ANO3: variants seen among roughly 807,000 people sequenced by gnomAD.
The protein encoded by ANO3 is anoctamin 3.
ANO3 carries 99 observed loss-of-function variants against 144.8 expected under a neutral mutation model. The observed-to-expected ratio is 0.68, with a 90% CI of 0.58 to 0.81. ANO3 has a LOEUF of 0.81. Among genes scored for constraint, ANO3 ranks in the 30% least tolerant of loss-of-function variants. The pLI is 0.00. For synonymous variants in ANO3, 414 were observed against 392.6 expected (o/e 1.05, Z -0.64); for missense variants, 905 against 1,202.2 (o/e 0.75, Z 3.66).
intron 3 of ANO3, among the ~76,000 whole-genome samples, chr11:26,455,617 G>A (rs1272914640): frequency 1.3e-5 from 2 of 152,182 alleles, no homozygotes; most frequent in South Asian, 2.1e-4. Flanking sequence ...TGGATAGGAA[G>A]AATCAATATT....
At chr11:26,621,861 C>T (rs7122563) in intron 17 of ANO3, among the ~76,000 whole-genome samples, 43,864 of 151,838 alleles carry the variant, frequency 0.29, 6,691 homozygotes, top group South Asian at 0.46. Context: ...CATGTTATCA[C>T]GTGTGTGTAT....
chr11:26,387,130 A>ATTTTTT (rs372622053), intron 1 of ANO3, among the ~76,000 whole-genome samples: 10 of 128,380 alleles, frequency 7.8e-5, no homozygotes, highest in Non-Finnish European at 1.2e-4. Flanking sequence ...CAAATGTAGT[A>ATTTTTT]TTTTTTTTTT....
intron 1 of ANO3, among the ~76,000 whole-genome samples, chr11:26,382,073 A>T (rs9971405): frequency 0.27 from 40,614 of 151,960 alleles, 6,105 homozygotes; most frequent in African/African-American, 0.41. Flanking sequence ...ATAATTTATT[A>T]TGCATATGTA....
At chr11:26,559,910 G>A in intron 14 of ANO3, 131 bp downstream of exon 14, 1 of 688,108 alleles carries the variant, frequency 1.5e-6, no homozygotes, top group Admixed American at 2.2e-5. Context: ...CTCTAGGTTG[G>A]TACTTGATTT....
chr11:26,364,855 C>T (rs1397516127), intron 1 of ANO3, among the ~76,000 whole-genome samples: 2 of 152,156 alleles, frequency 1.3e-5, no homozygotes, highest in Non-Finnish European at 2.9e-5. Context: ...GCACCTGCCC[C>T]ACCCCAAATC....
chr11:26,207,403 C>T (rs1564916665), intron 1 of ANO3, among the ~76,000 whole-genome samples: 1 of 152,096 alleles, frequency 6.6e-6, no homozygotes, highest in South Asian at 2.1e-4. Flanking sequence ...TGCCTCATTA[C>T]GTGTTAAGAT....
intron 4 of ANO3, among the ~76,000 whole-genome samples, chr11:26,471,757 A>G (rs1859791796): frequency 6.6e-6 from 1 of 151,962 alleles, no homozygotes; most frequent in African/African-American, 2.4e-5. Context: ...AGTTCCCAGA[A>G]AGACTATAAG....
chr11:26,556,936 T>C (rs1227283754), intron 13 of ANO3, among the ~76,000 whole-genome samples: 2 of 152,136 alleles, frequency 1.3e-5, no homozygotes, highest in African/African-American at 2.4e-5. Context: ...TCTGAACCTA[T>C]AAAGCAACTT....
intron 1 of ANO3, among the ~76,000 whole-genome samples, chr11:26,441,293 A>T (rs1858513212): frequency 6.7e-6 from 1 of 149,734 alleles, no homozygotes; most frequent in Admixed American, 6.6e-5. Flanking sequence ...AATTTTTTGT[A>T]TTTTTAGTAG....
chr11:26,301,360 T>C (rs1854228502), intron 1 of ANO3, among the ~76,000 whole-genome samples: 1 of 152,188 alleles, frequency 6.6e-6, no homozygotes, highest in African/African-American at 2.4e-5. Flanking sequence ...TCTTAGCTTA[T>C]TAAATGAGAA....
At chr11:26,555,382 T>G (rs1302663490) in intron 13 of ANO3, among the ~76,000 whole-genome samples, 1 of 152,166 alleles carries the variant, frequency 6.6e-6, no homozygotes, top group Non-Finnish European at 1.5e-5. Flanking sequence ...ATAACACACA[T>G]TGGCATTATT....
At chr11:26,510,392 C>A (rs556445755) in intron 5 of ANO3, among the ~76,000 whole-genome samples, 1 of 152,148 alleles carries the variant, frequency 6.6e-6, no homozygotes, top group South Asian at 2.1e-4. Context: ...CACACCCAAT[C>A]ACTGGTGGCT....
chr11:26,489,029 A>T (rs771101569), intron 4 of ANO3, among the ~76,000 whole-genome samples: 1 of 152,192 alleles, frequency 6.6e-6, no homozygotes, highest in Non-Finnish European at 1.5e-5. Context: ...ACAATCCCTT[A>T]GCTAGACACA....
chr11:26,442,142 A>T, intron 2 of ANO3, 30 bp downstream of exon 2: 2 of 1,595,582 alleles, frequency 1.3e-6, no homozygotes, highest in Non-Finnish European at 1.7e-6. Flanking sequence ...TTCTTGTTCA[A>T]TTTATAAAAA....
intron 1 of ANO3, among the ~76,000 whole-genome samples, chr11:26,297,281 T>C (rs1380348592): frequency 2.0e-5 from 3 of 152,086 alleles, no homozygotes; most frequent in Non-Finnish European, 4.4e-5. Context: ...TTGATATTTA[T>C]GAGGATCATT....
At chr11:26,424,907 C>T (rs1857874393) in intron 1 of ANO3, among the ~76,000 whole-genome samples, 1 of 151,782 alleles carries the variant, frequency 6.6e-6, no homozygotes, top group Non-Finnish European at 1.5e-5. Flanking sequence ...TATTTGTATA[C>T]TTTAAGTTCT....
intron 1 of ANO3, among the ~76,000 whole-genome samples, chr11:26,356,681 T>C (rs1232470057): frequency 6.6e-6 from 1 of 152,202 alleles, no homozygotes; most frequent in Non-Finnish European, 1.5e-5. Flanking sequence ...TTTATTCTCT[T>C]ACATTTCTGG....
At chr11:26,430,446 A>G (rs1184564066) in intron 1 of ANO3, among the ~76,000 whole-genome samples, 1 of 152,148 alleles carries the variant, frequency 6.6e-6, no homozygotes, top group African/African-American at 2.4e-5. Context: ...ATTCTAAAAC[A>G]TAATGATGAA....
intron 4 of ANO3, among the ~76,000 whole-genome samples, chr11:26,487,050 C>T (rs1429961142): frequency 2.6e-5 from 4 of 152,192 alleles, no homozygotes; most frequent in South Asian, 4.1e-4. Context: ...AATTGATTGG[C>T]TTCCAAAGTC....
Sources: gnomAD v4.1 joint callset for allele counts (sites outside exome capture counted in the v4.1 genomes callset) on GRCh38, gnomAD v4.1.1 for gene constraint, MANE v1.5 for transcripts, NCBI Gene and HGNC (gene_info 2026-07-23, HGNC 2026-07-21) for gene names.